The following MAF variants were observed in gnomAD, a reference collection of about 807,000 sequenced individuals.
MAF encodes transcription factor Maf.
Under a neutral mutation model 22.0 loss-of-function variants are expected in MAF, and 10 were observed. The ratio of observed to expected loss-of-function variants is 0.45; its 90% CI spans 0.28 to 0.77. The LOEUF (loss-of-function observed/expected upper bound fraction) is 0.77. MAF is among the 30% of genes least tolerant of loss of function. The pLI, the probability that MAF is intolerant of heterozygous loss-of-function variation, is 0.12. For missense variants in MAF, 544 were observed against 548.4 expected (o/e 0.99, Z 0.08); for synonymous variants, 337 against 255.8 (o/e 1.32, Z -3.03).
At chr16:79,211,159 C>G in the MAF span, among the ~76,000 whole-genome samples, 1 of 152,050 alleles carries the variant, frequency 6.6e-6, no homozygotes, top group African/African-American at 2.4e-5. Context: ...GGTTTTCTAC[C>G]TGATGGACCA....
At chr16:79,450,722 G>C in the MAF span, among the ~76,000 whole-genome samples, 4 of 152,046 alleles carry the variant, frequency 2.6e-5, no homozygotes, top group South Asian at 2.1e-4. Context: ...CTCGGATGGA[G>C]ATGGAGATGG....
At chr16:79,420,097 A>G in the MAF span, among the ~76,000 whole-genome samples, 1 of 152,144 alleles carries the variant, frequency 6.6e-6, no homozygotes, top group Non-Finnish European at 1.5e-5. Context: ...AGCACCTACA[A>G]AACTGCAGGA....
chr16:79,208,098 A>G, the MAF span, among the ~76,000 whole-genome samples: 18 of 152,324 alleles, frequency 1.2e-4, no homozygotes, highest in Admixed American at 9.2e-4. Flanking sequence ...ATGAATCCTT[A>G]TTACCAAGAT....
chr16:79,282,480 G>A, the MAF span, among the ~76,000 whole-genome samples: 1 of 152,260 alleles, frequency 6.6e-6, no homozygotes, highest in Admixed American at 6.5e-5. Context: ...AAGAGTGGGA[G>A]CCTGAATCTT....
the MAF span, among the ~76,000 whole-genome samples, chr16:79,308,534 ATGC>A: frequency 6.6e-6 from 1 of 152,190 alleles, no homozygotes; most frequent in Non-Finnish European, 1.5e-5. Flanking sequence ...AGGTGTTGAA[ATGC>A]TAGCAAAAGC....
the MAF span, among the ~76,000 whole-genome samples, chr16:79,339,324 G>A: frequency 2.6e-5 from 4 of 152,216 alleles, no homozygotes; most frequent in African/African-American, 7.2e-5. Flanking sequence ...CTCCCAGAGT[G>A]CTGGGATTAC....
At chr16:79,519,313 C>A in the MAF span, among the ~76,000 whole-genome samples, 680 of 152,264 alleles carry the variant, frequency 4.5e-3, 4 homozygotes, top group African/African-American at 0.016. Context: ...ATAATGCATT[C>A]CAGCTGTGAA....
At chr16:79,499,379 C>T in the MAF span, among the ~76,000 whole-genome samples, 1 of 152,172 alleles carries the variant, frequency 6.6e-6, no homozygotes, top group Non-Finnish European at 1.5e-5. Flanking sequence ...CTCTCAATGA[C>T]AACTCCACCC....
At chr16:79,213,712 G>T in the MAF span, among the ~76,000 whole-genome samples, 1 of 152,196 alleles carries the variant, frequency 6.6e-6, no homozygotes, top group Non-Finnish European at 1.5e-5. Flanking sequence ...ACATGTAAGT[G>T]AGGCCATCCC....
the MAF span, among the ~76,000 whole-genome samples, chr16:79,429,994 C>A: frequency 6.6e-6 from 1 of 152,176 alleles, no homozygotes; most frequent in South Asian, 2.1e-4. Context: ...CTACCGACAT[C>A]TTCTACCCTG....
chr16:79,515,914 G>A, the MAF span: 1 of 149,876 alleles, frequency 6.7e-6, no homozygotes, highest in Admixed American at 6.6e-5. Flanking sequence ...AGCCCCTCTT[G>A]CTAACCCACA....
At chr16:79,470,797 C>T in the MAF span, among the ~76,000 whole-genome samples, 8 of 152,238 alleles carry the variant, frequency 5.3e-5, no homozygotes, top group Middle Eastern at 3.4e-3. Context: ...GATGGGTGAA[C>T]GGATGAATGG....
At chr16:79,209,923 C>G in the MAF span, among the ~76,000 whole-genome samples, 1 of 152,158 alleles carries the variant, frequency 6.6e-6, no homozygotes, top group Non-Finnish European at 1.5e-5. Context: ...TTGAGCCACA[C>G]AAATCAATGG....
At chr16:79,579,430 C>G in the MAF span, among the ~76,000 whole-genome samples, 974 of 152,188 alleles carry the variant, frequency 6.4e-3, 8 homozygotes, top group African/African-American at 0.022. Flanking sequence ...CCATACAAGC[C>G]TCATTACTAT....
chr16:79,435,361 C>A, the MAF span, among the ~76,000 whole-genome samples: 1 of 152,096 alleles, frequency 6.6e-6, no homozygotes, highest in African/African-American at 2.4e-5. Flanking sequence ...GGATTGAAAG[C>A]CTTGATGTTC....
chr16:79,275,214 G>C, the MAF span, among the ~76,000 whole-genome samples: 8 of 152,118 alleles, frequency 5.3e-5, no homozygotes, highest in African/African-American at 1.9e-4. Context: ...AAATTAGCTG[G>C]GTGTGGTGGT....
the MAF span, among the ~76,000 whole-genome samples, chr16:79,266,345 C>T: frequency 5.9e-5 from 9 of 152,120 alleles, no homozygotes; most frequent in African/African-American, 2.2e-4. Flanking sequence ...AAAGGAAAAC[C>T]ATGGATAAGG....
chr16:79,214,418 T>G, the MAF span, among the ~76,000 whole-genome samples: 60 of 152,254 alleles, frequency 3.9e-4, no homozygotes, highest in African/African-American at 1.4e-3. Context: ...CCACACACTG[T>G]GCTAAGCAGG....
the MAF span, among the ~76,000 whole-genome samples, chr16:79,433,781 G>C: frequency 3.9e-5 from 6 of 152,152 alleles, no homozygotes; most frequent in Non-Finnish European, 8.8e-5. Context: ...ACTTAGGCTA[G>C]CGGTGTTTTA....
Sources: gnomAD v4.1 joint callset for allele counts (sites outside exome capture counted in the v4.1 genomes callset) on GRCh38, gnomAD v4.1.1 for gene constraint, MANE v1.5 for transcripts, NCBI Gene and HGNC (gene_info 2026-07-23, HGNC 2026-07-21) for gene names.